TMEM117: variants seen among roughly 807,000 people sequenced by gnomAD.
The protein encoded by TMEM117 is transmembrane protein 117.
A neutral mutation model predicts 52.4 loss-of-function variants in TMEM117; 27 were observed. That is an observed-to-expected ratio of 0.51 (90% confidence interval 0.38 to 0.71). The LOEUF is 0.71. Ranked by LOEUF, TMEM117 falls within the 30% of genes least tolerant of loss-of-function variation. TMEM117 has a pLI of 0.00. For synonymous variants in TMEM117, 215 were observed against 206.3 expected, an observed-to-expected ratio of 1.04 and a Z score of -0.36; for missense variants, 556 against 630.5, an observed-to-expected ratio of 0.88 and a Z score of 1.26.
At chr12:43,872,472 A>G (rs575627946) in intron 2 of TMEM117, among the ~76,000 whole-genome samples, 79 of 152,342 alleles carry the variant, frequency 5.2e-4, no homozygotes, top group African/African-American at 1.9e-3. Context: ...TTTCTGTAAG[A>G]TACTTTCTTT....
At chr12:43,864,713 C>T (rs1449560579) in intron 2 of TMEM117, among the ~76,000 whole-genome samples, 6 of 152,140 alleles carry the variant, frequency 3.9e-5, no homozygotes, top group Non-Finnish European at 8.8e-5. Flanking sequence ...ATAGACCAAT[C>T]GACTCTCTGT....
chr12:44,017,846 A>G (rs1453753989), intron 3 of TMEM117, among the ~76,000 whole-genome samples: 1 of 152,238 alleles, frequency 6.6e-6, no homozygotes, highest in African/African-American at 2.4e-5. Context: ...GGCTAGGCAA[A>G]TGATAGCAGA....
intron 4 of TMEM117, among the ~76,000 whole-genome samples, chr12:44,207,900 GCT>G (rs1949591278): frequency 6.6e-6 from 1 of 151,978 alleles, no homozygotes. Context: ...GTGTGACCTT[GCT>G]CTGTTATTTA....
intron 3 of TMEM117, among the ~76,000 whole-genome samples, chr12:43,969,457 G>C (rs1945543740): frequency 6.6e-6 from 1 of 151,390 alleles, no homozygotes; most frequent in South Asian, 2.1e-4. Flanking sequence ...GGGAGGCGGA[G>C]GTTGCAGTGA....
chr12:44,259,541 A>G (rs2138535649), intron 5 of TMEM117, among the ~76,000 whole-genome samples: 1 of 152,202 alleles, frequency 6.6e-6, no homozygotes, highest in Admixed American at 6.6e-5. Flanking sequence ...ATCTTTGGGA[A>G]TGATGATGGT....
At chr12:44,215,213 A>G (rs1050927788) in intron 5 of TMEM117, among the ~76,000 whole-genome samples, 2 of 152,340 alleles carry the variant, frequency 1.3e-5, no homozygotes, top group Non-Finnish European at 2.9e-5. Flanking sequence ...GTTCTAGTAA[A>G]CATATCTCTT....
intron 6 of TMEM117, among the ~76,000 whole-genome samples, chr12:44,301,616 T>C (rs1040123122): frequency 2.0e-5 from 3 of 152,222 alleles, no homozygotes; most frequent in African/African-American, 7.2e-5. Context: ...AGGGATGTAG[T>C]TGCCTCTAGG....
intron 4 of TMEM117, among the ~76,000 whole-genome samples, chr12:44,208,077 G>C (rs1284643384): frequency 6.6e-6 from 1 of 152,120 alleles, no homozygotes; most frequent in Non-Finnish European, 1.5e-5. Flanking sequence ...TTTTCATGCT[G>C]TTGTTGCCTG....
Position 43,978,623 on chromosome 12 carries a change from T to A in TMEM117, c.410+34281T>A, listed in dbSNP as rs536705101. Among the ~76,000 whole-genome samples the A allele has an allele frequency of 8.7e-4, 133 of 152,254 alleles. 3 individuals are homozygous for A. In the South Asian group the frequency reaches 0.018, roughly 20 times the overall value. The stretch of plus-strand genomic sequence containing the variant: ...GAGTACGAGATAAGAACTGAATTAG[T>A]TTGTCAGCAGAAAGGGCATGCTCTA... On this transcript the variant is annotated intron_variant, in intron 3 of 7. Coordinates refer to ENST00000266534, the MANE Select transcript of TMEM117 (RefSeq NM_032256.3).
At position 43,870,299 on chromosome 12, in the gene TMEM117, C is replaced by T. The variant is rs1367952648; in HGVS notation, c.277+25371C>T. Among the ~76,000 whole-genome samples, 9 of 149,594 alleles carry T rather than the reference C, an allele frequency of 6.0e-5. No individual in the cohort carries two copies. The East Asian group carries it at 1.2e-3, about 20-fold the overall frequency. Reference sequence around the variant, plus strand: ...TTTTTGAGATGGAGTCTAGGCCTGTCGCCAGGCTGGAGTGCAGTGGTGTGA... The same window carrying T: ...TTTTTGAGATGGAGTCTAGGCCTGTTGCCAGGCTGGAGTGCAGTGGTGTGA... On this transcript the variant is annotated intron_variant, in intron 2 of 7. Transcript: ENST00000266534.
intron 5 of TMEM117, among the ~76,000 whole-genome samples, chr12:44,260,951 G>T (rs1010780828): frequency 6.6e-6 from 1 of 152,138 alleles, no homozygotes; most frequent in African/African-American, 2.4e-5. Context: ...GTGGCACATT[G>T]AACTTTATAT....
intron 3 of TMEM117, among the ~76,000 whole-genome samples, chr12:43,995,135 G>C (rs1325043865): frequency 6.6e-6 from 1 of 152,132 alleles, no homozygotes; most frequent in South Asian, 2.1e-4. Flanking sequence ...GTCGGGTGTG[G>C]TGGTGCATGC....
chr12:43,817,934 GAAAC>G, the TMEM117 span, among the ~76,000 whole-genome samples: 1 of 152,014 alleles, frequency 6.6e-6, no homozygotes, highest in South Asian at 2.1e-4. Context: ...AAAATATAAA[GAAAC>G]AAGGAGACTC....
intron 4 of TMEM117, among the ~76,000 whole-genome samples, chr12:44,182,821 C>T (rs1949222969): frequency 6.6e-6 from 1 of 152,030 alleles, no homozygotes; most frequent in Admixed American, 6.6e-5. Context: ...GTCAGTAGCA[C>T]CTCCATCTTG....
At chr12:43,929,091 G>T (rs968474414) in intron 2 of TMEM117, among the ~76,000 whole-genome samples, 1 of 151,702 alleles carries the variant, frequency 6.6e-6, no homozygotes, top group Non-Finnish European at 1.5e-5. Context: ...ATGATTTATA[G>T]TCCTTTGGGT....
chr12:43,864,140 C>A (rs1394047022), intron 2 of TMEM117, among the ~76,000 whole-genome samples: 1 of 152,176 alleles, frequency 6.6e-6, no homozygotes, highest in South Asian at 2.1e-4. Flanking sequence ...GGGGGCAGGG[C>A]TCAGGACCTG....
intron 2 of TMEM117, among the ~76,000 whole-genome samples, chr12:43,897,079 T>A (rs1944217664): frequency 6.6e-6 from 1 of 152,146 alleles, no homozygotes; most frequent in African/African-American, 2.4e-5. Context: ...ATTAAGTAAA[T>A]TCTCCCTCAC....
At position 43,994,549 on chromosome 12, in the gene TMEM117, C is replaced by T. The variant is rs1592423712; in HGVS notation, c.410+50207C>T. On this transcript the variant is annotated intron_variant, in intron 3 of 7. Transcript: ENST00000266534. ...AAAGCAAAACAAACATGCAAATAAA[C>T]AACATCAACAAAACAGTAGTAAAAT... Among the ~76,000 whole-genome samples, 3 of 152,168 alleles carry T rather than the reference C, an allele frequency of 2.0e-5. No homozygotes were observed. The East Asian group carries it at 5.8e-4, about 29-fold the overall frequency.
chr12:44,219,019 A>T (rs1949755429), intron 5 of TMEM117, among the ~76,000 whole-genome samples: 1 of 152,244 alleles, frequency 6.6e-6, no homozygotes, highest in Non-Finnish European at 1.5e-5. Context: ...TAACATATTT[A>T]AAAATGATTA....
Sources: gnomAD v4.1 joint callset for allele counts (sites outside exome capture counted in the v4.1 genomes callset) on GRCh38, gnomAD v4.1.1 for gene constraint, MANE v1.5 for transcripts, NCBI Gene and HGNC (gene_info 2026-07-23, HGNC 2026-07-21) for gene names.